The following CNTN5 variants were observed in gnomAD, a reference collection of about 807,000 sequenced individuals.
CNTN5 encodes the protein contactin 5.
A neutral mutation model predicts 129.1 loss-of-function variants in CNTN5; 77 were observed. That is an observed-to-expected ratio of 0.60 (90% confidence interval 0.50 to 0.72). The LOEUF (loss-of-function observed/expected upper bound fraction) is 0.72, where lower values mean the gene tolerates loss of function less well. Ranked by LOEUF, CNTN5 falls within the 30% of genes least tolerant of loss-of-function variation. The pLI is 0.00. For missense variants in CNTN5, 1,478 were observed against 1,328.8 expected, an observed-to-expected ratio of 1.11 and a Z score of -1.75; for synonymous variants, 509 against 465.6, an observed-to-expected ratio of 1.09 and a Z score of -1.20.
Position 100,338,925 on chromosome 11 carries a change from A to G in CNTN5, c.2731-1538A>G, listed in dbSNP as rs891282551. ...CTGTGTGGGGCCTGCACTGGTTCCC[A>G]GGTGAGAGTGTCTGTAACCCTGGAA... On this transcript the variant is annotated intron_variant, in intron 21 of 24. Coordinates refer to ENST00000524871, the MANE Select transcript of CNTN5 (RefSeq NM_014361.4). Among the ~76,000 whole-genome samples, 3 of 152,140 alleles carry G rather than the reference A, an allele frequency of 2.0e-5. No homozygotes were observed. The South Asian group carries it at 6.2e-4, about 32-fold the overall frequency.
chr11:99,374,698 AT>A (rs1426185305), intron 2 of CNTN5, among the ~76,000 whole-genome samples: 1 of 152,168 alleles, frequency 6.6e-6, no homozygotes, highest in Non-Finnish European at 1.5e-5. Flanking sequence ...AATAAAAAAA[AT>A]AAAAAGTAAG....
At chr11:100,274,372 G>A (rs1950463629) in intron 18 of CNTN5, among the ~76,000 whole-genome samples, 1 of 152,146 alleles carries the variant, frequency 6.6e-6, no homozygotes, top group Admixed American at 6.5e-5. Context: ...ATTGACAAAT[G>A]GGTTCTAATT....
chr11:99,888,119 A>C (rs1330608907), intron 6 of CNTN5, among the ~76,000 whole-genome samples: 1 of 152,200 alleles, frequency 6.6e-6, no homozygotes, highest in Non-Finnish European at 1.5e-5. Flanking sequence ...CGTATATAGC[A>C]CTGAACACAG....
At chr11:100,121,067 G>C (rs1391586317) in intron 13 of CNTN5, among the ~76,000 whole-genome samples, 1 of 151,922 alleles carries the variant, frequency 6.6e-6, no homozygotes, top group African/African-American at 2.4e-5. Context: ...TTGGATCATA[G>C]TTTATGTGAC....
At chr11:99,348,364 CTTCTGAAGTAA>C (rs1938055062) in intron 2 of CNTN5, among the ~76,000 whole-genome samples, 2 of 152,152 alleles carry the variant, frequency 1.3e-5, no homozygotes. Flanking sequence ...CTAGAACAGT[CTTCTGAAGTAA>C]TTCAAGTATG....
At chr11:99,640,240 G>A (rs1017302300) in intron 3 of CNTN5, among the ~76,000 whole-genome samples, 2 of 152,062 alleles carry the variant, frequency 1.3e-5, no homozygotes, top group East Asian at 1.9e-4. Flanking sequence ...TTTCAGCAAG[G>A]CCCCTCTCTA....
chr11:99,130,557 CAG>C (rs1299007047), intron 1 of CNTN5, among the ~76,000 whole-genome samples: 1 of 152,040 alleles, frequency 6.6e-6, no homozygotes, highest in African/African-American at 2.4e-5. Context: ...ATCATTGAAA[CAG>C]AAAATTAACA....
rs538552653 is a variant in CNTN5, at chr11:99,717,689, A to G, written c.56-101855A>G. On this transcript the variant is annotated intron_variant, in intron 3 of 24. Coordinates refer to ENST00000524871, the MANE Select transcript of CNTN5 (RefSeq NM_014361.4). ...TGGATGTCTCCATAATCTGTTTCAAAAAATGAATTATAGCAAGATGATAGA... is the reference window on the plus strand; with the variant it reads ...TGGATGTCTCCATAATCTGTTTCAAGAAATGAATTATAGCAAGATGATAGA... Among the ~76,000 whole-genome samples, 3 of 152,258 alleles carry G rather than the reference A, an allele frequency of 2.0e-5. No individual in the cohort carries two copies. In the East Asian group the frequency reaches 5.8e-4, roughly 30 times the overall value.
intron 2 of CNTN5, among the ~76,000 whole-genome samples, chr11:99,459,392 A>G (rs1020495819): frequency 6.6e-6 from 1 of 152,012 alleles, no homozygotes; most frequent in Non-Finnish European, 1.5e-5. Flanking sequence ...TCTTCCCTAA[A>G]TATTTGGAAA....
chr11:100,123,069 C>A (rs1183835834), intron 13 of CNTN5, among the ~76,000 whole-genome samples: 1 of 151,624 alleles, frequency 6.6e-6, no homozygotes, highest in African/African-American at 2.4e-5. Context: ...GTTTAAGGAC[C>A]AAAACATTAT....
chr11:99,517,212 T>G (rs1947090063), intron 2 of CNTN5, among the ~76,000 whole-genome samples: 1 of 152,106 alleles, frequency 6.6e-6, no homozygotes. Flanking sequence ...ATCCACAAAT[T>G]TAACCGGTCA....
At chr11:100,103,753 C>T (rs916419072) in intron 13 of CNTN5, among the ~76,000 whole-genome samples, 1 of 152,140 alleles carries the variant, frequency 6.6e-6, no homozygotes, top group African/African-American at 2.4e-5. Flanking sequence ...TACAAGGGAA[C>T]TGGAAGCTAT....
chr11:99,996,424 C>A (rs1319816312), intron 8 of CNTN5, among the ~76,000 whole-genome samples: 1 of 152,148 alleles, frequency 6.6e-6, no homozygotes, highest in African/African-American at 2.4e-5. Context: ...TTTTCAGATT[C>A]CATCTGTTTT....
intron 1 of CNTN5, among the ~76,000 whole-genome samples, chr11:99,142,250 A>T (rs7122151): frequency 0.9 from 137,095 of 152,060 alleles, 62,018 homozygotes; most frequent in East Asian, 0.99. Context: ...CCAGAAAAGC[A>T]CATCATCAGG....
chr11:99,090,289 A>T (rs1201114595), intron 1 of CNTN5, among the ~76,000 whole-genome samples: 1 of 152,188 alleles, frequency 6.6e-6, no homozygotes, highest in African/African-American at 2.4e-5. Context: ...TAAGTAGATC[A>T]GCAGCCCCTT....
chr11:100,102,596 T>TA (rs34268825), intron 13 of CNTN5, among the ~76,000 whole-genome samples: 107,099 of 151,862 alleles, frequency 0.71, 39,399 homozygotes, highest in East Asian at 0.95. Flanking sequence ...GTGCCAAATG[T>TA]AAAAAGTGGT....
chr11:100,087,192 A>G (rs995571509), intron 13 of CNTN5, among the ~76,000 whole-genome samples: 2 of 151,766 alleles, frequency 1.3e-5, no homozygotes, highest in African/African-American at 4.8e-5. Context: ...ATAAACAGAT[A>G]AAAAGAAAAT....
At chr11:99,037,250 A>C (rs760582983) in intron 1 of CNTN5, among the ~76,000 whole-genome samples, 3 of 152,148 alleles carry the variant, frequency 2.0e-5, no homozygotes, top group East Asian at 1.9e-4. Context: ...CTCTCCCTCT[A>C]TTCTCCAACA....
At chr11:99,501,636 A>T (rs946032154) in intron 2 of CNTN5, among the ~76,000 whole-genome samples, 1 of 152,222 alleles carries the variant, frequency 6.6e-6, no homozygotes, top group African/African-American at 2.4e-5. Flanking sequence ...CAGGTAAAAG[A>T]TATTTTTGTT....
Sources: allele counts gnomAD v4.1 joint callset (sites outside exome capture counted in the v4.1 genomes callset), GRCh38; gene constraint gnomAD v4.1.1; transcripts MANE v1.5; gene names NCBI Gene and HGNC (gene_info 2026-07-23, HGNC 2026-07-21).